PRSS36: variants seen among roughly 807,000 people sequenced by gnomAD.
The protein encoded by PRSS36 is polyserase-2.
In PRSS36, 90 loss-of-function variants were observed where a neutral mutation model predicts 94.3. The ratio of observed to expected loss-of-function variants is 0.95; its 90% CI spans 0.80 to 1.14. PRSS36 has a LOEUF of 1.14. Among genes scored for constraint, PRSS36 ranks in the 50% most tolerant of loss-of-function variants. PRSS36 has a pLI of 0.00. For missense variants in PRSS36, 1,158 were observed against 1,135.0 expected (o/e 1.02, Z -0.29); for synonymous variants, 500 against 489.6 (o/e 1.02, Z -0.28).
At position 31,143,624 on chromosome 16, in the gene PRSS36, C is replaced by A; in HGVS notation, c.934G>T (p.Glu312Ter). Residue 312 changes from glutamate (E) to a stop codon, truncating the protein, a stop_gained, in exon 7 of 15, where the codon GAG (glutamate) becomes TAG (stop). Transcript: ENST00000268281. LOFTEE classifies it high-confidence loss of function. ...QPQKTQSDPQ[E>*]PREENCTIAL... ...ATGGTGCAGTTCTCCTCCCTGGGCT[C>A]CTGGGGATCTGACTGGGTCTTCTGG... 1 of 1,614,212 alleles carries A rather than the reference C, an allele frequency of 6.2e-7. No homozygotes were observed. Among genetic ancestry groups the A allele is most frequent in the Non-Finnish European group, 8.5e-7 (1 of 1,180,024 alleles).
rs755265669 is a variant in PRSS36, at chr16:31,142,815, G to A, written c.1279C>T (p.Arg427Trp). The A allele has an allele frequency of 5.9e-6, 9 of 1,527,488 alleles. No individual in the cohort carries two copies. The highest frequency in any genetic ancestry group is 2.1e-5 in the Admixed American group (1 of 48,008). 94.6% of individuals were successfully genotyped at this position (1,527,488 alleles called of 1,614,324 possible). ...TCCGGGTGGGGTAGGCACACGGGCC[G>A]CGAAGCCGCGCTCAGGTTCACGGGC... ...RTPVNLSAAS[R>W]PVCLPHPEHY... Residue 427 changes from arginine (R) to tryptophan (W), a missense_variant, in exon 9 of 15, where the codon CGG (arginine) becomes TGG (tryptophan). Physicochemically the swap from Arg to Trp is moderately radical, Grantham distance 101 (BLOSUM62 -3). Transcript: ENST00000268281.
intron 5 of PRSS36, among the ~76,000 whole-genome samples, chr16:31,147,918 A>G (rs1229197886): frequency 6.6e-6 from 1 of 152,106 alleles, no homozygotes; most frequent in Non-Finnish European, 1.5e-5. Flanking sequence ...ACTATAGATT[A>G]CCTGAGGTGA....
At chr16:31,149,945 C>G in intron 1 of PRSS36, 54 bp downstream of exon 1, 1 of 1,600,748 alleles carries the variant, frequency 6.2e-7, no homozygotes, top group Non-Finnish European at 8.5e-7. Flanking sequence ...CTCTCCAGCC[C>G]CCCAGATGCC....
At chr16:31,143,198 C>T in intron 8 of PRSS36, 144 bp downstream of exon 8, 1 of 1,388,192 alleles carries the variant, frequency 7.2e-7, no homozygotes, top group Non-Finnish European at 9.7e-7. Context: ...CAGGCCAGGA[C>T]CCCTCTTTTT....
At position 31,143,647 on chromosome 16, in the gene PRSS36, T is replaced by C. The variant is rs749436943; in HGVS notation, c.911A>G (p.Gln304Arg). The change falls in exon 7 of 15, where the codon CAG becomes CGG. Residue 304 changes from glutamine (Q) to arginine (R), a missense_variant. Coordinates refer to ENST00000268281, the MANE Select transcript of PRSS36 (RefSeq NM_173502.5). Reference sequence around the variant, plus strand: ...CTCCTGGGGATCTGACTGGGTCTTCTGGGGCTGGGTGGGAAAGGCAGGCCC... The same window carrying C: ...CTCCTGGGGATCTGACTGGGTCTTCCGGGGCTGGGTGGGAAAGGCAGGCCC... The part of the protein sequence containing the change: ...EPGPAFPTQP[Q>R]KTQSDPQEPR... 3 of 1,614,198 alleles carry C rather than the reference T, an allele frequency of 1.9e-6. No homozygotes were observed. The highest frequency in any genetic ancestry group is 2.5e-6 in the Non-Finnish European group (3 of 1,180,022).
chr16:31,142,462 C>A lies in PRSS36; in HGVS notation c.1521+19G>T. The A allele has an allele frequency of 7.0e-7, 1 of 1,438,522 alleles. No homozygotes were observed. Among genetic ancestry groups the A allele is most frequent in the Non-Finnish European group, 9.1e-7 (1 of 1,097,834 alleles). The allele number at this position is 1,438,522 out of a possible 1,614,324, so 89.1% of individuals were successfully genotyped here. ...CCCTCTCGGGCCCGCGTTCCGCGGGCCCCGCCCCCGCCGCTTACCCAGCAG... is the reference window on the plus strand; with the variant it reads ...CCCTCTCGGGCCCGCGTTCCGCGGGACCCGCCCCCGCCGCTTACCCAGCAG... On this transcript the variant is annotated intron_variant, in intron 10 of 14. Transcript: ENST00000268281.
rs1409644787 is a variant in PRSS36 at position 31,142,736 on chromosome 16, C to G, written c.1357+1G>C. 1 of 1,366,114 alleles carries G rather than the reference C, an allele frequency of 7.3e-7. No homozygotes were observed. The highest frequency in any genetic ancestry group is 9.5e-7 in the Non-Finnish European group (1 of 1,057,312). 84.6% of individuals were successfully genotyped at this position (1,366,114 alleles called of 1,614,324 possible). ...CGGCCCAGCGCCGGTCCCCAGCTCA[C>G]CCCCGCGGCCCCAGCGGGCCAGGCG... On this transcript the variant is annotated splice_donor_variant, in intron 9 of 14. Transcript: ENST00000268281. LOFTEE classifies it high-confidence loss of function.
intron 6 of PRSS36, among the ~76,000 whole-genome samples, chr16:31,144,106 CTTG>C (rs1419342359): frequency 6.6e-5 from 10 of 152,320 alleles, no homozygotes; most frequent in African/African-American, 1.7e-4. Context: ...CCAAGTGATT[CTTG>C]TTGTTACTAG....
chr16:31,143,431 C>T lies in PRSS36; in HGVS notation c.1011G>A (p.Glu337=), dbSNP rs1288382910. 1 of 1,612,498 alleles carries T rather than the reference C, an allele frequency of 6.2e-7. No homozygotes were observed. The highest frequency in any genetic ancestry group is 1.7e-5 in the Admixed American group (1 of 59,738). The change falls in exon 8 of 15, where the codon GAG becomes GAA. Residue 337 remains glutamate, a synonymous_variant. Coordinates refer to ENST00000268281, the MANE Select transcript of PRSS36 (RefSeq NM_173502.5). The stretch of plus-strand genomic sequence containing the variant: ...TGGATCCTGGCACCATCACCTGGGC[C>T]TCCCAGGGCCAGGCCCCTGGCCGCG... ...KAPRPGAWPW[E]AQVMVPGSRP... is the part of the protein sequence containing the mutation.
chr16:31,146,766 G>A (rs2057804367), intron 5 of PRSS36, among the ~76,000 whole-genome samples: 1 of 152,106 alleles, frequency 6.6e-6, no homozygotes, highest in Admixed American at 6.6e-5. Flanking sequence ...GATCACCTGA[G>A]GTTAGGAGTT....
Position 31,139,260 on chromosome 16 carries a change from T to G in PRSS36, c.2446A>C (p.Ser816Arg), listed in dbSNP as rs1476300869. 6.2e-7 allele frequency: 1 copy of G among 1,613,974 alleles called. No individual in the cohort carries two copies. Among genetic ancestry groups the G allele is most frequent in the African/African-American group, 1.3e-5 (1 of 74,910 alleles). Residue 816 changes from serine to arginine, a missense_variant, in exon 15 of 15, where the codon AGT becomes CGT. By Grantham distance (110) the Ser-to-Arg change is moderately radical (BLOSUM62 -1). Coordinates refer to ENST00000268281, the MANE Select transcript of PRSS36 (RefSeq NM_173502.5). ...CCAGTGGGCCAGTGTGGGGAGCCAC[T>G]GGGGGGCAGGAAGTTGGCCTCTCCC... The part of the protein sequence containing the change: ...TVGEANFLPP[S>R]GSPHWPTGGS...
chr16:31,142,423 C>T, intron 10 of PRSS36, 58 bp downstream of exon 10: 1 of 1,406,072 alleles, frequency 7.1e-7, no homozygotes, highest in Non-Finnish European at 9.3e-7. Context: ...ACAGGCCCCG[C>T]CCTCTTCCTA....
rs977953375 is a variant in PRSS36, at chr16:31,140,586, G to C, written c.2073C>G (p.Pro691=). The C allele has an allele frequency of 6.2e-7, 1 of 1,604,948 alleles. No individual in the cohort carries two copies. The highest frequency in any genetic ancestry group is 1.3e-5 in the African/African-American group (1 of 74,864). Residue 691 remains proline (P), a synonymous_variant, in exon 13 of 15, where the codon CCC becomes CCG. Coordinates refer to ENST00000268281, the MANE Select transcript of PRSS36 (RefSeq NM_173502.5). ...GACAGATGGGCAGGGCTGATGGGGA[G>C]GGCTCCACCCGGGAGCTCAGCTCCA... is the stretch of plus-strand genomic sequence containing the variant. The part of the protein sequence containing the change: ...ALLELSSRVE[P]SPSALPICLH...
intron 14 of PRSS36, among the ~76,000 whole-genome samples, 167 bp downstream of exon 14, chr16:31,140,127 C>G (rs543379722): frequency 6.0e-5 from 9 of 149,708 alleles, no homozygotes; most frequent in Non-Finnish European, 8.9e-5. Context: ...GGAGGTGGAG[C>G]TTGCAGTGAG....
At chr16:31,146,343 G>A (rs1349248082) in intron 5 of PRSS36, among the ~76,000 whole-genome samples, 2 of 151,844 alleles carry the variant, frequency 1.3e-5, no homozygotes, top group Non-Finnish European at 2.9e-5. Flanking sequence ...TGGAATCTGG[G>A]TGTCATCCCT....
At chr16:31,147,595 C>T (rs779889548) in intron 5 of PRSS36, among the ~76,000 whole-genome samples, 24 of 152,070 alleles carry the variant, frequency 1.6e-4, no homozygotes, top group African/African-American at 2.4e-5. Flanking sequence ...TAACATAATG[C>T]GTGCTTATTT....
At chr16:31,149,314 CCG>C in intron 3 of PRSS36, 79 bp from the exon 4 acceptor site, 1 of 1,499,960 alleles carries the variant, frequency 6.7e-7, no homozygotes, top group Non-Finnish European at 9.0e-7. Flanking sequence ...GGACGAAGGC[CCG>C]TCCTCCACCC....
At chr16:31,149,914 A>C in intron 1 of PRSS36, 85 bp downstream of exon 1, 2 of 1,563,796 alleles carry the variant, frequency 1.3e-6, no homozygotes, top group Non-Finnish European at 1.8e-6. Flanking sequence ...CCTGCTCCCC[A>C]CACAGAAACC....
In PRSS36 at chr16:31,145,967, A is replaced by C; in HGVS notation, c.554-12T>G. 1 of 1,605,266 alleles carries C rather than the reference A, an allele frequency of 6.2e-7. No homozygotes were observed. Among genetic ancestry groups the C allele is most frequent in the African/African-American group, 1.3e-5 (1 of 74,508 alleles). On this transcript the variant is annotated splice_polypyrimidine_tract_variant and intron_variant, in intron 5 of 14. Transcript: ENST00000268281. The stretch of plus-strand genomic sequence containing the variant: ...GAGAGGCAGAGGATCTGGAGGCAGA[A>C]CCAGAGAGCAGGTGCTGTGAGGCAG...
Sources: allele counts gnomAD v4.1 joint callset (sites outside exome capture counted in the v4.1 genomes callset), GRCh38; gene constraint gnomAD v4.1.1; transcripts MANE v1.5; gene names NCBI Gene and HGNC (gene_info 2026-07-23, HGNC 2026-07-21).